Variants in COL25A1 observed in about 807,000 individuals in gnomAD.
The protein encoded by COL25A1 is collagen type XXV alpha 1 chain.
A neutral mutation model predicts 128.4 loss-of-function variants in COL25A1; 103 were observed. The observed-to-expected ratio is 0.80, with a 90% CI of 0.68 to 0.94. The LOEUF is 0.94. Among genes scored for constraint, COL25A1 ranks in the 40% least tolerant of loss-of-function variants. The probability of loss-of-function intolerance (pLI) is 0.00; values close to 1 mark genes in which losing one functional copy is unlikely to be tolerated. For synonymous variants in COL25A1, 279 were observed against 277.2 expected, an observed-to-expected ratio of 1.01 and a Z score of -0.06; for missense variants, 745 against 840.0, an observed-to-expected ratio of 0.89 and a Z score of 1.40.
intron 14 of COL25A1, among the ~76,000 whole-genome samples, chr4:108,899,499 G>A (rs1044822145): frequency 2.0e-5 from 3 of 152,042 alleles, no homozygotes; most frequent in Non-Finnish European, 4.4e-5. Flanking sequence ...TATCTTGAGA[G>A]GCTTCTTAGC....
At chr4:108,827,100 G>C in intron 33 of COL25A1, 35 bp downstream of exon 33, 1 of 1,600,604 alleles carries the variant, frequency 6.2e-7, no homozygotes, top group Admixed American at 1.7e-5. Flanking sequence ...CTATGCATGC[G>C]GAAGGTGGGG....
chr4:108,938,079 G>A (rs556598243), intron 10 of COL25A1, among the ~76,000 whole-genome samples: 61 of 152,266 alleles, frequency 4.0e-4, no homozygotes, highest in African/African-American at 1.4e-3. Flanking sequence ...ATGACATAAA[G>A]ATAATGACAT....
intron 3 of COL25A1, among the ~76,000 whole-genome samples, chr4:109,296,932 C>T (rs566116810): frequency 6.6e-6 from 1 of 152,108 alleles, no homozygotes; most frequent in African/African-American, 2.4e-5. Flanking sequence ...ATATAGGACT[C>T]CAAGAACAGA....
intron 3 of COL25A1, among the ~76,000 whole-genome samples, chr4:109,246,039 T>A (rs11944256): frequency 0.047 from 6,761 of 143,646 alleles, 380 homozygotes; most frequent in African/African-American, 0.14. Flanking sequence ...AAAAAAAATT[T>A]AAAAAACATA....
At chr4:108,814,545 CCAGATTTCTGGTTTCTCACCA>C (rs1380925550) in intron 37 of COL25A1, among the ~76,000 whole-genome samples, 24 of 149,174 alleles carry the variant, frequency 1.6e-4, no homozygotes, top group African/African-American at 5.9e-4. Context: ...TGGTTTCTCA[CCAGATTTCTGGTTTCTCACCA>C]CAGATTTCTG....
At chr4:108,846,078 T>C (rs1735054754) in intron 28 of COL25A1, 61 bp downstream of exon 28, 2 of 1,083,550 alleles carry the variant, frequency 1.8e-6, no homozygotes, top group East Asian at 5.0e-5. Flanking sequence ...TCTGATTGTT[T>C]AATTTATCTT....
At chr4:109,077,114 T>C (rs1180552265) in intron 3 of COL25A1, among the ~76,000 whole-genome samples, 2 of 152,306 alleles carry the variant, frequency 1.3e-5, no homozygotes, top group African/African-American at 2.4e-5. Flanking sequence ...GAAAAGCTAA[T>C]TGGCACAACA....
At chr4:109,179,805 G>A (rs1390260374) in intron 3 of COL25A1, among the ~76,000 whole-genome samples, 2 of 152,158 alleles carry the variant, frequency 1.3e-5, no homozygotes, top group Admixed American at 6.5e-5. Flanking sequence ...AGAGTTCTGT[G>A]TATGTTTCTT....
chr4:109,103,590 C>CA (rs1461694991), intron 3 of COL25A1, among the ~76,000 whole-genome samples: 2 of 151,868 alleles, frequency 1.3e-5, no homozygotes, highest in Non-Finnish European at 2.9e-5. Context: ...TTTTTTTCTT[C>CA]AAAAAATACA....
At chr4:108,908,780 G>GT (rs1223996133) in intron 13 of COL25A1, among the ~76,000 whole-genome samples, 5 of 152,126 alleles carry the variant, frequency 3.3e-5, no homozygotes. Context: ...GGAGATCAGA[G>GT]TTTTTAAGGA....
intron 8 of COL25A1, among the ~76,000 whole-genome samples, chr4:108,973,953 T>C (rs1752170114): frequency 6.6e-6 from 1 of 152,220 alleles, no homozygotes; most frequent in African/African-American, 2.4e-5. Context: ...ACTGATAATT[T>C]TATCTGTAAA....
At chr4:108,857,827 A>C (rs1418738257) in intron 24 of COL25A1, among the ~76,000 whole-genome samples, 3 of 152,184 alleles carry the variant, frequency 2.0e-5, no homozygotes, top group Non-Finnish European at 4.4e-5. Context: ...ATATCTGGTT[A>C]ATATAAGCAT....
At chr4:108,952,654 G>A (rs1204941925) in intron 8 of COL25A1, among the ~76,000 whole-genome samples, 1 of 152,050 alleles carries the variant, frequency 6.6e-6, no homozygotes, top group African/African-American at 2.4e-5. Context: ...AGTTGAGGTT[G>A]CCAGGTCAAG....
rs1776064709 is a variant in COL25A1, at chr4:109,196,567, A to T, written c.367+104016T>A. Among the ~76,000 whole-genome samples the T allele has an allele frequency of 3.3e-5, 5 of 152,328 alleles. No homozygotes were observed. The South Asian group carries it at 1.0e-3, about 32-fold the overall frequency. ...GAATTCCATACAACAATCTGACAGC[A>T]TTCTCCACTTCAAATCTTTTCGAAG... is the stretch of plus-strand genomic sequence containing the variant. On this transcript the variant is annotated intron_variant, in intron 3 of 37. Coordinates refer to ENST00000399132, the MANE Select transcript of COL25A1 (RefSeq NM_198721.4).
intron 23 of COL25A1, among the ~76,000 whole-genome samples, chr4:108,860,307 G>A (rs1737044778): frequency 1.3e-5 from 2 of 152,080 alleles, no homozygotes; most frequent in South Asian, 4.1e-4. Flanking sequence ...GGGCAGGCTG[G>A]CTTTGAACTC....
At chr4:109,026,261 T>C (rs1758278027) in intron 5 of COL25A1, among the ~76,000 whole-genome samples, 1 of 151,504 alleles carries the variant, frequency 6.6e-6, no homozygotes, top group Non-Finnish European at 1.5e-5. Context: ...TGTTCCAAAA[T>C]GGAAACTGAG....
intron 3 of COL25A1, among the ~76,000 whole-genome samples, chr4:109,116,683 T>C (rs935091838): frequency 3.3e-5 from 5 of 152,034 alleles, no homozygotes; most frequent in African/African-American, 9.7e-5. Context: ...GAGTCAGATA[T>C]GATAAGAATG....
At chr4:109,246,314 T>C (rs1216041716) in intron 3 of COL25A1, among the ~76,000 whole-genome samples, 1 of 152,132 alleles carries the variant, frequency 6.6e-6, no homozygotes, top group African/African-American at 2.4e-5. Context: ...CTGGTAGAGC[T>C]AGAAAACTAC....
chr4:109,004,373 T>C lies in COL25A1; in HGVS notation c.438+5985A>G, dbSNP rs549684387. On this transcript the variant is annotated intron_variant, in intron 6 of 37. Transcript: ENST00000399132. ...ATCTGGAAGGCTTTACAAAATAACA[T>C]GTGATATAGAAGTAGAATTGAGGTT... Among the ~76,000 whole-genome samples, 4 of 150,636 alleles carry C rather than the reference T, an allele frequency of 2.7e-5. No homozygotes were observed. The South Asian group carries it at 8.4e-4, about 32-fold the overall frequency.
Sources: allele counts gnomAD v4.1 joint callset (sites outside exome capture counted in the v4.1 genomes callset), GRCh38; gene constraint gnomAD v4.1.1; transcripts MANE v1.5; gene names NCBI Gene and HGNC (gene_info 2026-07-23, HGNC 2026-07-21).